CNBD1: variants seen among roughly 807,000 people sequenced by gnomAD.
The protein encoded by CNBD1 is cyclic nucleotide binding domain containing 1, also known as cyclic nucleotide-binding domain-containing protein 1.
In CNBD1, 71 loss-of-function variants were observed where a neutral mutation model predicts 54.4. That is an observed-to-expected ratio of 1.30 (90% CI 1.08 to 1.59). The LOEUF (loss-of-function observed/expected upper bound fraction) is 1.59. CNBD1 is among the 40% of genes most tolerant of loss of function. The probability of loss-of-function intolerance (pLI) is 0.00; values close to 1 mark genes in which losing one functional copy is unlikely to be tolerated. For missense variants in CNBD1, 659 were observed against 518.0 expected, an observed-to-expected ratio of 1.27 and a Z score of -2.64; for synonymous variants, 182 against 170.7, an observed-to-expected ratio of 1.07 and a Z score of -0.51.
chr8:87,103,632 G>C (rs1242836993), intron 4 of CNBD1, among the ~76,000 whole-genome samples: 1 of 152,136 alleles, frequency 6.6e-6, no homozygotes, highest in Non-Finnish European at 1.5e-5. Flanking sequence ...TACAAAACCA[G>C]CAGATCTTGT....
chr8:86,953,473 C>T (rs1366809085), intron 4 of CNBD1, among the ~76,000 whole-genome samples: 2 of 152,260 alleles, frequency 1.3e-5, no homozygotes, highest in South Asian at 2.1e-4. Flanking sequence ...ATAACACAAC[C>T]TCAGACATCA....
intron 4 of CNBD1, among the ~76,000 whole-genome samples, chr8:87,065,911 G>T (rs1177724149): frequency 6.6e-6 from 1 of 151,856 alleles, no homozygotes; most frequent in Non-Finnish European, 1.5e-5. Flanking sequence ...CCCACTACAT[G>T]GTTGTTGATA....
chr8:87,203,665 C>T (rs1813909512), intron 4 of CNBD1, among the ~76,000 whole-genome samples: 1 of 152,114 alleles, frequency 6.6e-6, no homozygotes, highest in South Asian at 2.1e-4. Context: ...AAAGAAAAAA[C>T]AGAAAGTTTC....
At chr8:87,062,882 T>TA (rs930614235) in intron 4 of CNBD1, among the ~76,000 whole-genome samples, 10 of 151,562 alleles carry the variant, frequency 6.6e-5, no homozygotes, top group Non-Finnish European at 1.0e-4. Context: ...TAATGCATAT[T>TA]AAAAAAAAAG....
intron 4 of CNBD1, among the ~76,000 whole-genome samples, chr8:87,119,345 G>A (rs1422231609): frequency 1.3e-5 from 2 of 150,614 alleles, no homozygotes; most frequent in African/African-American, 2.4e-5. Context: ...GGTAGTTATT[G>A]TAAGTGGGAT....
chr8:87,096,364 T>G (rs961332920), intron 4 of CNBD1, among the ~76,000 whole-genome samples: 25 of 140,478 alleles, frequency 1.8e-4, no homozygotes, highest in African/African-American at 6.9e-4. Flanking sequence ...TTTTTTTTTT[T>G]AATAAGAACA....
chr8:87,004,305 G>A (rs771295953), intron 4 of CNBD1, among the ~76,000 whole-genome samples: 23 of 152,094 alleles, frequency 1.5e-4, no homozygotes, highest in Non-Finnish European at 2.9e-4. Flanking sequence ...GGAGTAAGAT[G>A]CACTCAAAGT....
At position 87,027,927 on chromosome 8, in the gene CNBD1, C is replaced by G. The variant is rs543247516; in HGVS notation, c.431+88173C>G. The stretch of plus-strand genomic sequence containing the variant: ...AACAGTCGGTATGCTTCCTCTCTCT[C>G]TCAGTTGGGCCTGATCAGCTGCAAA... On this transcript the variant is annotated intron_variant, in intron 4 of 10. Coordinates refer to ENST00000518476, the MANE Select transcript of CNBD1 (RefSeq NM_173538.3). Among the ~76,000 whole-genome samples the G allele has an allele frequency of 4.6e-5, 7 of 152,236 alleles. No individual in the cohort carries two copies. The South Asian group carries it at 1.2e-3, about 27-fold the overall frequency.
At chr8:86,963,921 G>T (rs942083632) in intron 4 of CNBD1, among the ~76,000 whole-genome samples, 1 of 152,162 alleles carries the variant, frequency 6.6e-6, no homozygotes, top group East Asian at 1.9e-4. Flanking sequence ...GGGACAGTCT[G>T]CCCTCCAATG....
At chr8:87,264,944 G>A (rs1446807222) in intron 6 of CNBD1, among the ~76,000 whole-genome samples, 1 of 151,968 alleles carries the variant, frequency 6.6e-6, no homozygotes, top group Non-Finnish European at 1.5e-5. Context: ...CTCCCATTTT[G>A]TAGGTTGCCT....
At chr8:87,046,178 C>T (rs148115382) in intron 4 of CNBD1, among the ~76,000 whole-genome samples, 16 of 152,116 alleles carry the variant, frequency 1.1e-4, no homozygotes, top group African/African-American at 3.4e-4. Context: ...TCTTTGGCTC[C>T]TACTGATGTC....
At chr8:87,157,222 C>T (rs1812760338) in intron 4 of CNBD1, among the ~76,000 whole-genome samples, 1 of 152,166 alleles carries the variant, frequency 6.6e-6, no homozygotes, top group Admixed American at 6.5e-5. Context: ...TAACAATGCA[C>T]TTTCTTTTAT....
At chr8:87,183,473 C>T (rs1331172113) in intron 4 of CNBD1, among the ~76,000 whole-genome samples, 1 of 146,972 alleles carries the variant, frequency 6.8e-6, no homozygotes, top group Non-Finnish European at 1.5e-5. Context: ...GAGTTTCAGA[C>T]TCCTCTTGTA....
At chr8:86,926,611 C>T (rs1343091274) in intron 3 of CNBD1, among the ~76,000 whole-genome samples, 1 of 152,154 alleles carries the variant, frequency 6.6e-6, no homozygotes, top group Non-Finnish European at 1.5e-5. Context: ...CCTGTAAACA[C>T]CAGGTGGGTC....
chr8:87,162,381 C>T (rs115343033), intron 4 of CNBD1, among the ~76,000 whole-genome samples: 268 of 152,124 alleles, frequency 1.8e-3, no homozygotes, highest in African/African-American at 6.1e-3. Flanking sequence ...TTTCTTGCTG[C>T]TCTCACCATT....
intron 8 of CNBD1, among the ~76,000 whole-genome samples, chr8:87,303,164 A>G (rs1444833948): frequency 6.6e-6 from 1 of 151,946 alleles, no homozygotes; most frequent in African/African-American, 2.4e-5. Context: ...GCCAAAAAAG[A>G]GCCTGCATTG....
At chr8:86,905,413 T>C (rs1809002952) in intron 3 of CNBD1, among the ~76,000 whole-genome samples, 1 of 152,204 alleles carries the variant, frequency 6.6e-6, no homozygotes, top group African/African-American at 2.4e-5. Context: ...ATCATATTTA[T>C]TTAAACTTTT....
intron 8 of CNBD1, among the ~76,000 whole-genome samples, chr8:87,315,440 T>C (rs188637790): frequency 8.5e-5 from 13 of 152,098 alleles, no homozygotes; most frequent in African/African-American, 3.1e-4. Context: ...GGTGCAGGCA[T>C]CTACTTGGCT....
intron 6 of CNBD1, among the ~76,000 whole-genome samples, chr8:87,270,472 G>A (rs1037481704): frequency 1.3e-5 from 2 of 151,894 alleles, no homozygotes; most frequent in Admixed American, 1.3e-4. Flanking sequence ...ACAGATTCTG[G>A]CAAGATTGTG....
Sources: allele counts gnomAD v4.1 joint callset (sites outside exome capture counted in the v4.1 genomes callset), GRCh38; gene constraint gnomAD v4.1.1; transcripts MANE v1.5; gene names NCBI Gene and HGNC (gene_info 2026-07-23, HGNC 2026-07-21).